PIGA: variants seen among roughly 807,000 people sequenced by gnomAD.
PIGA encodes phosphatidylinositol N-acetylglucosaminyltransferase subunit A.
PIGA carries 3 observed loss-of-function variants against 17.1 expected under a neutral mutation model. The observed-to-expected ratio is 0.18, with a 90% CI of 0.08 to 0.45. The LOEUF (loss-of-function observed/expected upper bound fraction) is 0.45, where lower values mean the gene tolerates loss of function less well. Ranked by LOEUF, PIGA falls within the 20% of genes least tolerant of loss-of-function variation. PIGA has a pLI of 0.99. For synonymous variants in PIGA, 126 were observed against 135.1 expected, an observed-to-expected ratio of 0.93 and a Z score of 0.47; for missense variants, 231 against 374.1, an observed-to-expected ratio of 0.62 and a Z score of 3.16.
chrX:15,330,092 A>T (rs1922109839), intron 2 of PIGA, among the ~76,000 whole-genome samples: 1 of 111,078 alleles, frequency 9.0e-6, no homozygotes. Flanking sequence ...CGTCTCAAAA[A>T]AAAAAAACCC....
chrX:15,331,213 T>C lies in PIGA; in HGVS notation c.715+3A>G. On this transcript the variant is annotated splice_donor_region_variant and intron_variant, in intron 2 of 5. Transcript: ENST00000333590. The stretch of plus-strand genomic sequence containing the variant: ...AATGCAATTATAGCTATCATTTCAT[T>C]ACCTTTTCTGTAAACAAGTCTGCTG... 8.5e-7 allele frequency: 1 copy of C among 1,173,170 alleles called. No homozygotes were observed. Among genetic ancestry groups the C allele is most frequent in the Non-Finnish European group, 1.2e-6 (1 of 867,420 alleles).
intron 1 of PIGA, among the ~76,000 whole-genome samples, chrX:15,334,185 C>CTTTTTTT (rs35688150): frequency 6.4e-5 from 4 of 62,944 alleles, no homozygotes; most frequent in Admixed American, 1.9e-4. Flanking sequence ...AATTCATCTA[C>CTTTTTTT]TTTTTTTTTT....
chrX:15,333,616 A>T (rs1399815982), intron 1 of PIGA, among the ~76,000 whole-genome samples: 2 of 112,240 alleles, frequency 1.8e-5, no homozygotes, highest in East Asian at 5.6e-4. Context: ...GGGAGTCCGA[A>T]GTTGCAGTGA....
intron 1 of PIGA, among the ~76,000 whole-genome samples, chrX:15,334,434 C>G (rs764914636): frequency 4.5e-4 from 50 of 110,579 alleles, no homozygotes; most frequent in Non-Finnish European, 8.3e-4. Context: ...AGGTGATCCA[C>G]CAGCCTCGGC....
chrX:15,325,712 G>C, intron 3 of PIGA: 1 of 281,414 alleles, frequency 3.6e-6, no homozygotes, highest in Non-Finnish European at 6.2e-6. Context: ...ATAATATTGG[G>C]CTAATGGAAA....
intron 5 of PIGA, 67 bp from the exon 6 acceptor site, chrX:15,321,839 A>T: frequency 1.0e-6 from 1 of 994,326 alleles, no homozygotes; most frequent in Admixed American, 2.6e-5. Context: ...CATGATAAAC[A>T]ATGACCCGAT....
In PIGA at chrX:15,331,962, C is replaced by G; in HGVS notation, c.-32G>C. 3 of 1,164,922 alleles carry G rather than the reference C, an allele frequency of 2.6e-6. No homozygotes were observed. Among genetic ancestry groups the G allele is most frequent in the Non-Finnish European group, 3.4e-6 (3 of 871,898 alleles). On this transcript the variant is annotated 5_prime_UTR_variant, in exon 2 of 6. Transcript: ENST00000333590. The stretch of plus-strand genomic sequence containing the variant: ...ACGGTTTAGACATCAGTTCTTAGAG[C>G]AACCCAGTTAAGAGATGTGTCCTCT...
Position 15,334,183 on chromosome X carries a change from TA to T in PIGA, c.-63+1317del, listed in dbSNP as rs1229903344. On this transcript the variant is annotated intron_variant, in intron 1 of 5. Transcript: ENST00000333590. The stretch of plus-strand genomic sequence containing the variant: ...GTCTAGTCTCTCCAACAAATTCATC[TA>T]CTTTTTTTTTTTTTTTTTTTTTTTG... Among the ~76,000 whole-genome samples, 28 of 91,593 alleles carry T rather than the reference TA, an allele frequency of 3.1e-4. 2 individuals are homozygous for T. In the East Asian group the frequency reaches 4.0e-3, roughly 13 times the overall value. 79.5% of individuals were successfully genotyped at this position (91,593 alleles called of 115,157 possible). A position where few individuals can be genotyped will look rare whatever the true frequency, so the allele number is the denominator to read the frequency against.
chrX:15,325,735 A>G (rs1327771682), intron 3 of PIGA, 179 bp downstream of exon 3: 3 of 312,679 alleles, frequency 9.6e-6, no homozygotes, highest in South Asian at 1.2e-4. Flanking sequence ...ATAGTGAATT[A>G]ACTAGGTTTC....
At position 15,324,790 on chromosome X, in the gene PIGA, A is replaced by T. The variant is rs1422087971; in HGVS notation, c.1063T>A (p.Leu355Met). The T allele has an allele frequency of 8.3e-7, 1 of 1,209,630 alleles. No individual in the cohort carries two copies. Among genetic ancestry groups the T allele is most frequent in the Admixed American group, 2.2e-5 (1 of 45,975 alleles). The change falls in exon 5 of 6, where the codon TTG becomes ATG. Residue 355 changes from leucine (L) to methionine (M), a missense_variant. Leu to Met is a conservative substitution (Grantham distance 15). Transcript: ENST00000333590. ...ATAGCCTTTTCCAATCCTTCACACA[A>T]AGATTTTACTGAAGGCTCACATAAA... ...IILCEPSVKSLCEGLEKAIFQ... is the reference protein window; with the variant it reads ...IILCEPSVKSMCEGLEKAIFQ...
At chrX:15,331,037 C>A in intron 2 of PIGA, 179 bp downstream of exon 2, 1 of 397,499 alleles carries the variant, frequency 2.5e-6, no homozygotes, top group Non-Finnish European at 4.3e-6. Flanking sequence ...TCACCACCAT[C>A]CTGAAAAATC....
chrX:15,327,090 T>C (rs1274824587), intron 2 of PIGA: 1 of 110,422 alleles, frequency 9.1e-6, no homozygotes, highest in African/African-American at 3.3e-5. Context: ...AAACCCCGTC[T>C]CTACTAAAAA....
At chrX:15,335,284 C>T (rs1922302618) in intron 1 of PIGA, 1 of 312,827 alleles carries the variant, frequency 3.2e-6, no homozygotes, top group African/African-American at 2.7e-5. Context: ...AGACCCCAGT[C>T]CCTCGACCCA....
intron 5 of PIGA, among the ~76,000 whole-genome samples, chrX:15,322,832 ATTTCATGAT>A (rs1271476534): frequency 8.9e-6 from 1 of 112,110 alleles, no homozygotes; most frequent in African/African-American, 3.2e-5. Context: ...CTCCAAATTA[ATTTCATGAT>A]CGATTTCCTA....
chrX:15,325,777 T>C lies in PIGA; in HGVS notation c.848+137A>G, dbSNP rs749272770. The C allele has an allele frequency of 5.0e-5, 21 of 416,924 alleles. No individual in the cohort carries two copies. The African/African-American group carries it at 5.4e-4, about 11-fold the overall frequency. 34.4% of individuals were successfully genotyped at this position (416,924 alleles called of 1,213,427 possible). ...ATATAAAAATTTTGAAAACAGTCCT[T>C]GCATTAGATTTATATCAATTATATG... On this transcript the variant is annotated intron_variant, in intron 3 of 5. Transcript: ENST00000333590.
At position 15,331,799 on chromosome X, in the gene PIGA, T is replaced by C. The variant is rs753941641; in HGVS notation, c.132A>G (p.Pro44=). ...NICMVSDFFY[P]NMGGVESHIY... ...TGTGGCTTTCCACGCCTCCCATATT[T>C]GGGTAGAAAAAGTCAGATACCATGC... The change falls in exon 2 of 6, where the codon CCA becomes CCG. Residue 44 remains proline, a synonymous_variant. Transcript: ENST00000333590. 8.3e-6 allele frequency: 10 copies of C among 1,210,144 alleles called. No homozygotes were observed. Among genetic ancestry groups the C allele is most frequent in the Non-Finnish European group, 1.0e-5 (9 of 895,031 alleles).
At position 15,331,487 on chromosome X, in the gene PIGA, C is replaced by A. The variant is rs1569179986; in HGVS notation, c.444G>T (p.Gln148His). 1 of 1,212,187 alleles carries A rather than the reference C, an allele frequency of 8.2e-7. No individual in the cohort carries two copies. Among genetic ancestry groups the A allele is most frequent in the Non-Finnish European group, 1.1e-6 (1 of 895,613 alleles). The change falls in exon 2 of 6, where the codon CAG becomes CAT. Residue 148 changes from glutamine to histidine, a missense_variant. Coordinates refer to ENST00000333590, the MANE Select transcript of PIGA (RefSeq NM_002641.4). ...AAAGGGAATGGTCCGTGAAGACTGT[C>A]TGAAGCCCCATTGTCTTGGCGTGGA... ...ALFHAKTMGLQTVFTDHSLFG... is the reference protein window; with the variant it reads ...ALFHAKTMGLHTVFTDHSLFG...
rs754782099 is a variant in PIGA, at chrX:15,321,313, G to A, written c.*193C>T. The A allele has an allele frequency of 1.7e-3, 670 of 390,893 alleles. 6 individuals are homozygous for A. The highest frequency in any genetic ancestry group is 6.2e-4 in the Non-Finnish European group (141 of 227,003). The allele number at this position is 390,893 out of a possible 1,213,427, so 32.2% of individuals were successfully genotyped here. A position where few individuals can be genotyped will look rare whatever the true frequency, so the allele number is the denominator to read the frequency against. On this transcript the variant is annotated 3_prime_UTR_variant, in exon 6 of 6. Transcript: ENST00000333590. ...GTTCTCTCCTAAATTTTAAATAAGTGCAAGAAGTTTCTACACTCAGGAATT... is the reference window on the plus strand; with the variant it reads ...GTTCTCTCCTAAATTTTAAATAAGTACAAGAAGTTTCTACACTCAGGAATT...
intron 2 of PIGA, 108 bp downstream of exon 2, chrX:15,331,107 TA>T: frequency 1.9e-6 from 1 of 529,621 alleles, no homozygotes; most frequent in Non-Finnish European, 3.0e-6. Context: ...TATAGCATTA[TA>T]AAACCATAAA....
Sources: gnomAD v4.1 joint callset for allele counts (sites outside exome capture counted in the v4.1 genomes callset) on GRCh38, gnomAD v4.1.1 for gene constraint, MANE v1.5 for transcripts, NCBI Gene and HGNC (gene_info 2026-07-23, HGNC 2026-07-21) for gene names.